SGCZ: variants seen among roughly 807,000 people sequenced by gnomAD.
The protein encoded by SGCZ is sarcoglycan zeta, also known as zeta-sarcoglycan.
In SGCZ, 40 loss-of-function variants were observed where a neutral mutation model predicts 41.3. The ratio of observed to expected loss-of-function variants is 0.97; its 90% CI spans 0.75 to 1.26. The LOEUF (loss-of-function observed/expected upper bound fraction) is 1.26, where lower values mean the gene tolerates loss of function less well. SGCZ is among the 50% of genes most tolerant of loss of function. The pLI, the probability that SGCZ is intolerant of heterozygous loss-of-function variation, is 0.00. For synonymous variants in SGCZ, 206 were observed against 137.5 expected (o/e 1.50, Z -3.49); for missense variants, 552 against 369.8 (o/e 1.49, Z -4.04).
At chr8:14,844,150 C>T (rs7813204) in intron 1 of SGCZ, among the ~76,000 whole-genome samples, 5,063 of 152,052 alleles carry the variant, frequency 0.033, 213 homozygotes, top group African/African-American at 0.1. Context: ...TCAAGTTTCT[C>T]ATATAAAATG....
intron 1 of SGCZ, among the ~76,000 whole-genome samples, chr8:14,961,598 T>C (rs1259443383): frequency 6.6e-6 from 1 of 152,162 alleles, no homozygotes; most frequent in Non-Finnish European, 1.5e-5. Flanking sequence ...CTTTATCACA[T>C]AGTATATGAT....
intron 1 of SGCZ, among the ~76,000 whole-genome samples, chr8:14,906,465 T>A (rs879408081): frequency 5.3e-5 from 8 of 152,312 alleles, no homozygotes; most frequent in Admixed American, 2.6e-4. Flanking sequence ...TCTGTAGTGA[T>A]ATGGCAGGTT....
At chr8:14,176,456 A>G (rs1804544090) in intron 4 of SGCZ, among the ~76,000 whole-genome samples, 1 of 152,258 alleles carries the variant, frequency 6.6e-6, no homozygotes, top group Admixed American at 6.5e-5. Flanking sequence ...AAACTGAATA[A>G]TTACAATATT....
chr8:14,958,997 A>C (rs1800881379), intron 1 of SGCZ, among the ~76,000 whole-genome samples: 1 of 152,126 alleles, frequency 6.6e-6, no homozygotes. Context: ...AAAATAAAAC[A>C]AATCATGAAC....
chr8:14,245,341 G>A (rs1799047394), intron 3 of SGCZ, among the ~76,000 whole-genome samples: 2 of 152,098 alleles, frequency 1.3e-5, no homozygotes, highest in Admixed American at 1.3e-4. Context: ...ACAAGCAATG[G>A]GGAAAGGATT....
intron 2 of SGCZ, among the ~76,000 whole-genome samples, chr8:14,324,686 G>A (rs1322053491): frequency 6.6e-6 from 1 of 152,122 alleles, no homozygotes; most frequent in Non-Finnish European, 1.5e-5. Context: ...TGATGTTCCA[G>A]TGTTCAAACC....
intron 1 of SGCZ, among the ~76,000 whole-genome samples, chr8:14,845,708 A>G (rs1395862201): frequency 2.0e-5 from 3 of 152,216 alleles, no homozygotes; most frequent in African/African-American, 7.2e-5. Context: ...ATTCACAGAA[A>G]GGAATTAATG....
intron 1 of SGCZ, among the ~76,000 whole-genome samples, chr8:14,940,246 C>G (rs1019047380): frequency 2.0e-5 from 3 of 152,102 alleles, no homozygotes; most frequent in Admixed American, 1.3e-4. Context: ...ATAGCAGTAA[C>G]ATGCCCACAT....
At chr8:14,674,978 G>A (rs976810470) in intron 1 of SGCZ, among the ~76,000 whole-genome samples, 7 of 109,050 alleles carry the variant, frequency 6.4e-5, no homozygotes, top group Admixed American at 2.9e-4. Flanking sequence ...TCCCTCTGTC[G>A]TCCAGGCTGA....
chr8:14,356,327 C>T (rs1316057239), intron 2 of SGCZ, among the ~76,000 whole-genome samples: 2 of 152,258 alleles, frequency 1.3e-5, no homozygotes, highest in African/African-American at 2.4e-5. Context: ...TACCCAAAAT[C>T]CTTTACAAGC....
At chr8:14,167,534 T>A (rs967200955) in intron 4 of SGCZ, among the ~76,000 whole-genome samples, 1 of 151,934 alleles carries the variant, frequency 6.6e-6, no homozygotes, top group Non-Finnish European at 1.5e-5. Context: ...AGAAAGTTTA[T>A]GTCAATAAAC....
At chr8:15,001,971 G>A (rs7005262) in intron 1 of SGCZ, among the ~76,000 whole-genome samples, 76,841 of 151,814 alleles carry the variant, frequency 0.51, 19,672 homozygotes, top group African/African-American at 0.53. Flanking sequence ...AAAGAGCGAA[G>A]AAGATTTGAG....
chr8:15,168,831 G>C (rs1799743591), intron 1 of SGCZ, among the ~76,000 whole-genome samples: 1 of 152,312 alleles, frequency 6.6e-6, no homozygotes, highest in East Asian at 1.9e-4. Flanking sequence ...AAACTGGGAA[G>C]AGTTAATTTC....
intron 1 of SGCZ, among the ~76,000 whole-genome samples, chr8:15,009,271 G>C (rs1482736648): frequency 2.6e-5 from 4 of 152,258 alleles, no homozygotes; most frequent in Non-Finnish European, 5.9e-5. Flanking sequence ...GAGCTGAAGA[G>C]AGAAAGGTGG....
chr8:14,373,670 A>G (rs1241197374), intron 2 of SGCZ, among the ~76,000 whole-genome samples: 2 of 152,214 alleles, frequency 1.3e-5, no homozygotes, highest in African/African-American at 4.8e-5. Context: ...CAGTCACTAA[A>G]TGATTTGAAA....
intron 1 of SGCZ, among the ~76,000 whole-genome samples, chr8:15,208,976 A>G (rs550960483): frequency 7.9e-5 from 12 of 151,876 alleles, no homozygotes; most frequent in Non-Finnish European, 8.8e-5. Context: ...AAATTACTGC[A>G]TTTGTTATGA....
chr8:14,634,077 T>G (rs767667112), intron 1 of SGCZ, among the ~76,000 whole-genome samples: 5 of 151,890 alleles, frequency 3.3e-5, no homozygotes, highest in Non-Finnish European at 7.4e-5. Flanking sequence ...ATTTCACATT[T>G]TATATAATTT....
At chr8:15,006,834 A>G (rs1032968371) in intron 1 of SGCZ, among the ~76,000 whole-genome samples, 1 of 152,210 alleles carries the variant, frequency 6.6e-6, no homozygotes, top group African/African-American at 2.4e-5. Context: ...ACTGGAAACC[A>G]TACTATCAGG....
intron 2 of SGCZ, among the ~76,000 whole-genome samples, chr8:14,387,288 G>T (rs1191311594): frequency 6.6e-6 from 1 of 152,136 alleles, no homozygotes; most frequent in South Asian, 2.1e-4. Flanking sequence ...TTGGCCTCAA[G>T]AAATCCTCCC....
Sources: allele counts gnomAD v4.1 joint callset (sites outside exome capture counted in the v4.1 genomes callset), GRCh38; gene constraint gnomAD v4.1.1; transcripts MANE v1.5; gene names NCBI Gene and HGNC (gene_info 2026-07-23, HGNC 2026-07-21).